The following UGT1A7 variants were observed in gnomAD, a reference collection of about 807,000 sequenced individuals.
The protein encoded by UGT1A7 is UDP-glucuronosyltransferase 1A7.
In UGT1A7, 33 loss-of-function variants were observed where a neutral mutation model predicts 45.6. The ratio of observed to expected loss-of-function variants is 0.72; its 90% CI spans 0.55 to 0.97. UGT1A7 has a LOEUF of 0.97. Among genes scored for constraint, UGT1A7 ranks in the 50% least tolerant of loss-of-function variants. The pLI, the probability that UGT1A7 is intolerant of heterozygous loss-of-function variation, is 0.00. For synonymous variants in UGT1A7, 274 were observed against 250.6 expected, an observed-to-expected ratio of 1.09 and a Z score of -0.88; for missense variants, 684 against 666.2, an observed-to-expected ratio of 1.03 and a Z score of -0.29.
At chr2:233,760,618 A>C (rs558023429) in intron 1 of UGT1A7, 1 of 1,614,234 alleles carries the variant, frequency 6.2e-7, no homozygotes, top group Non-Finnish European at 8.5e-7. Context: ...GCGTGTGATC[A>C]AAACATACAA....
At chr2:233,743,099 A>T (rs1692202324) in intron 1 of UGT1A7, 1 of 352,144 alleles carries the variant, frequency 2.8e-6, no homozygotes, top group Non-Finnish European at 5.6e-6. Flanking sequence ...ATTCTTGGGT[A>T]CAGCTGTTCT....
chr2:233,724,330 C>CA (rs2077223829), intron 1 of UGT1A7, among the ~76,000 whole-genome samples: 2 of 121,986 alleles, frequency 1.6e-5, no homozygotes, highest in Admixed American at 8.1e-5. Flanking sequence ...GCTGGCCAGG[C>CA]GGGGGGCTGA....
intron 1 of UGT1A7, among the ~76,000 whole-genome samples, chr2:233,748,634 A>G (rs1335024517): frequency 6.6e-6 from 1 of 151,774 alleles, no homozygotes; most frequent in East Asian, 1.9e-4. Context: ...GTCTGTGATT[A>G]TAGAATTACA....
intron 1 of UGT1A7, among the ~76,000 whole-genome samples, chr2:233,738,514 T>A (rs1690809776): frequency 6.6e-6 from 1 of 152,156 alleles, no homozygotes; most frequent in Admixed American, 6.5e-5. Context: ...ATGCTGATAA[T>A]GTTGTGGACA....
chr2:233,710,599 GGTTT>G (rs1342342339), intron 1 of UGT1A7, among the ~76,000 whole-genome samples: 2 of 152,000 alleles, frequency 1.3e-5, no homozygotes, highest in Admixed American at 6.5e-5. Context: ...CACCTTTATT[GGTTT>G]GTTTGTCTTC....
At chr2:233,738,563 C>T (rs899585698) in intron 1 of UGT1A7, among the ~76,000 whole-genome samples, 1 of 152,184 alleles carries the variant, frequency 6.6e-6, no homozygotes, top group African/African-American at 2.4e-5. Context: ...GATGAGGAAT[C>T]TGTTGAGAAC....
At chr2:233,710,354 C>T (rs1003120760) in intron 1 of UGT1A7, among the ~76,000 whole-genome samples, 3 of 152,174 alleles carry the variant, frequency 2.0e-5, no homozygotes, top group Non-Finnish European at 4.4e-5. Context: ...GTTTCCAAAG[C>T]AGTTATACAA....
At chr2:233,747,637 A>G in intron 1 of UGT1A7, 1 of 1,582,234 alleles carries the variant, frequency 6.3e-7, no homozygotes, top group Non-Finnish European at 8.7e-7. Flanking sequence ...AGGCACCTGA[A>G]TGCTACTTCC....
intron 1 of UGT1A7, chr2:233,719,293 G>A (rs149433426): frequency 1.9e-6 from 3 of 1,613,970 alleles, no homozygotes; most frequent in Middle Eastern, 1.7e-4. Context: ...AACCTCTGTG[G>A]GGCGGTGCTG....
chr2:233,760,356 G>A (rs1414123680), intron 1 of UGT1A7: 1 of 1,613,940 alleles, frequency 6.2e-7, no homozygotes, highest in Non-Finnish European at 8.5e-7. Context: ...TGGGCCCAGT[G>A]GTGTCCCATG....
At chr2:233,708,067 C>T (rs2076002868) in intron 1 of UGT1A7, among the ~76,000 whole-genome samples, 1 of 152,200 alleles carries the variant, frequency 6.6e-6, no homozygotes, top group Non-Finnish European at 1.5e-5. Flanking sequence ...CACTCTGCAT[C>T]TTGCTTTTTA....
Position 233,769,262 on chromosome 2 carries a change from G to A in UGT1A7, c.1295+823G>A, listed in dbSNP as rs1197405588. ...TTTGCTCAAATGTGGCCCTGAAAAC[G>A]ATTCAAAGGGCAAATGATTTCTGGA... is the stretch of plus-strand genomic sequence containing the variant. On this transcript the variant is annotated intron_variant, in intron 4 of 4. Coordinates refer to ENST00000373426, the MANE Select transcript of UGT1A7 (RefSeq NM_019077.3). The surrounding 1 kb of genome is among the most constrained non-coding windows in gnomAD (Gnocchi z 4.4). Among the ~76,000 whole-genome samples the A allele has an allele frequency of 1.3e-5, 2 of 152,184 alleles. No homozygotes were observed. The highest frequency in any genetic ancestry group is 2.9e-5 in the Non-Finnish European group (2 of 68,036).
chr2:233,710,339 G>A (rs922089291), intron 1 of UGT1A7, among the ~76,000 whole-genome samples: 1 of 152,176 alleles, frequency 6.6e-6, no homozygotes, highest in Non-Finnish European at 1.5e-5. Flanking sequence ...AGAAACAGTC[G>A]AACTGTTTCC....
At chr2:233,727,469 A>C (rs1381010401) in intron 1 of UGT1A7, among the ~76,000 whole-genome samples, 7 of 152,276 alleles carry the variant, frequency 4.6e-5, no homozygotes, top group Non-Finnish European at 8.8e-5. Flanking sequence ...TGTCTAAATA[A>C]AACACTACTA....
chr2:233,767,701 T>A, intron 2 of UGT1A7, 148 bp from the exon 3 acceptor site: 2 of 1,506,270 alleles, frequency 1.3e-6, no homozygotes, highest in Admixed American at 2.1e-5. Flanking sequence ...AAGTTGCCAG[T>A]CCTCAGAAGC....
chr2:233,716,723 A>T (rs2076521930), intron 1 of UGT1A7, among the ~76,000 whole-genome samples: 1 of 152,160 alleles, frequency 6.6e-6, no homozygotes, highest in African/African-American at 2.4e-5. Context: ...GTTCCAGTTT[A>T]TATGTTTAGC....
At chr2:233,705,688 T>C (rs947769375) in intron 1 of UGT1A7, among the ~76,000 whole-genome samples, 1 of 152,234 alleles carries the variant, frequency 6.6e-6, no homozygotes, top group Non-Finnish European at 1.5e-5. Context: ...TCACAACGAC[T>C]GGTATAAAAA....
intron 1 of UGT1A7, among the ~76,000 whole-genome samples, chr2:233,707,990 C>A (rs1350319093): frequency 6.6e-6 from 1 of 152,182 alleles, no homozygotes; most frequent in Non-Finnish European, 1.5e-5. Flanking sequence ...GGGTTGTCTA[C>A]TCGAATTATG....
intron 1 of UGT1A7, chr2:233,761,211 C>G (rs35802766): frequency 6.2e-7 from 1 of 1,613,738 alleles, no homozygotes; most frequent in East Asian, 2.2e-5. Flanking sequence ...TACTTTGGAT[C>G]GATTAACTAG....
Sources: allele counts gnomAD v4.1 joint callset (sites outside exome capture counted in the v4.1 genomes callset), GRCh38; gene constraint gnomAD v4.1.1; non-coding constraint Gnocchi (gnomAD v3.1); transcripts MANE v1.5; gene names NCBI Gene and HGNC (gene_info 2026-07-23, HGNC 2026-07-21).